PREPL: variants seen among roughly 807,000 people sequenced by gnomAD.
PREPL encodes prolyl endopeptidase-like.
PREPL carries 77 observed loss-of-function variants against 70.6 expected under a neutral mutation model. That is an observed-to-expected ratio of 1.09 (90% CI 0.91 to 1.32). PREPL has a LOEUF of 1.32. PREPL is among the 40% of genes most tolerant of loss of function. The probability of loss-of-function intolerance (pLI) is 0.00; values close to 1 mark genes in which losing one functional copy is unlikely to be tolerated. For synonymous variants in PREPL, 315 were observed against 264.8 expected (o/e 1.19, Z -1.84); for missense variants, 1,002 against 778.2 (o/e 1.29, Z -3.42).
chr2:44,320,894 C>A lies in PREPL; in HGVS notation c.*462G>T. ...CAGGGATGACCAGAACACATTAGGA[C>A]CCCAGATTATTCAAAAACTTTAACG... On this transcript the variant is annotated 3_prime_UTR_variant, in exon 14 of 14. Transcript: ENST00000409411. The A allele has an allele frequency of 2.1e-6, 1 of 485,556 alleles. No individual in the cohort carries two copies. The highest frequency in any genetic ancestry group is 3.7e-6 in the Non-Finnish European group (1 of 271,950). The allele number at this position is 485,556 out of a possible 1,614,324, so 30.1% of individuals were successfully genotyped here. A position where few individuals can be genotyped will look rare whatever the true frequency, so the allele number is the denominator to read the frequency against.
At chr2:44,353,009 A>T (rs374621030) in intron 1 of PREPL, among the ~76,000 whole-genome samples, 4 of 150,218 alleles carry the variant, frequency 2.7e-5, no homozygotes, top group African/African-American at 9.8e-5. Context: ...CACTTTGGGA[A>T]GCTGAGACAG....
Position 44,344,546 on chromosome 2 carries a change from C to T in PREPL, c.116G>A (p.Cys39Tyr). 1 of 1,603,228 alleles carries T rather than the reference C, an allele frequency of 6.2e-7. No homozygotes were observed. Among genetic ancestry groups the T allele is most frequent in the East Asian group, 2.2e-5 (1 of 44,502 alleles). ...TTCTTCATCTTTGGAACGAACCAAGCAACAACCTTCTTGGTAATAAACAAA... is the reference window on the plus strand; with the variant it reads ...TTCTTCATCTTTGGAACGAACCAAGTAACAACCTTCTTGGTAATAAACAAA... ...GGFVYYQEGC[C>Y]LVRSKDEEAD... Residue 39 changes from cysteine (C) to tyrosine (Y), a missense_variant, in exon 3 of 14, where the codon TGC becomes TAC. By Grantham distance (194) the Cys-to-Tyr change is radical. Coordinates refer to ENST00000409411, the MANE Select transcript of PREPL (RefSeq NM_001171613.2).
At position 44,320,347 on chromosome 2, in the gene PREPL, T is replaced by C; in HGVS notation, c.*1009A>G. 6.2e-7 allele frequency: 1 copy of C among 1,614,158 alleles called. No individual in the cohort carries two copies. The highest frequency in any genetic ancestry group is 8.5e-7 in the Non-Finnish European group (1 of 1,179,984). On this transcript the variant is annotated 3_prime_UTR_variant, in exon 14 of 14. Coordinates refer to ENST00000409411, the MANE Select transcript of PREPL (RefSeq NM_001171613.2). The stretch of plus-strand genomic sequence containing the variant: ...GTGTACACAAGAGAGCTGGATGGCA[T>C]CGACAGAATCTTTATCGTGGTTCTG...
chr2:44,329,985 T>C (rs372800388), intron 8 of PREPL, among the ~76,000 whole-genome samples: 1 of 152,334 alleles, frequency 6.6e-6, no homozygotes, highest in East Asian at 1.9e-4. Flanking sequence ...ATTCTCATTT[T>C]GAAAACTTCA....
At chr2:44,325,826 T>C (rs1467938184) in intron 10 of PREPL, among the ~76,000 whole-genome samples, 2 of 152,222 alleles carry the variant, frequency 1.3e-5, no homozygotes, top group African/African-American at 4.8e-5. Context: ...TCATTATTTT[T>C]CAGAGTAACC....
intron 1 of PREPL, 83 bp from the exon 2 acceptor site, chr2:44,346,473 CG>C (rs1296069884): frequency 3.9e-6 from 5 of 1,267,820 alleles, no homozygotes; most frequent in Non-Finnish European, 5.6e-6. Flanking sequence ...AGGTCTATAC[CG>C]TAGACTTAAC....
In PREPL at chr2:44,320,174, C is replaced by A. The variant is rs750454187; in HGVS notation, c.*1182G>T. 2 of 1,566,670 alleles carry A rather than the reference C, an allele frequency of 1.3e-6. No homozygotes were observed. The highest frequency in any genetic ancestry group is 1.8e-6 in the Non-Finnish European group (2 of 1,139,116). ...AACAATTCTTAGAATCAAACACTTA[C>A]GTAAATACTTTTTTAAAAAAATAGG... On this transcript the variant is annotated 3_prime_UTR_variant, in exon 14 of 14. Coordinates refer to ENST00000409411, the MANE Select transcript of PREPL (RefSeq NM_001171613.2).
chr2:44,329,140 A>G (rs758607355), intron 8 of PREPL, 28 bp from the exon 9 acceptor site: 1 of 1,533,354 alleles, frequency 6.5e-7, no homozygotes, highest in Admixed American at 1.8e-5. Context: ...CTATGTATGT[A>G]AAGAAGAGTC....
chr2:44,344,078 A>G, intron 3 of PREPL, 127 bp from the exon 4 acceptor site: 1 of 132,120 alleles, frequency 7.6e-6, no homozygotes, highest in East Asian at 6.1e-5. Context: ...TCTTTCAACA[A>G]TGATGGCAGC....
intron 11 of PREPL, 31 bp from the exon 12 acceptor site, chr2:44,322,885 CA>C: frequency 6.2e-7 from 1 of 1,607,088 alleles, no homozygotes; most frequent in Non-Finnish European, 8.5e-7. Flanking sequence ...GAAGAGTTTA[CA>C]TTATTTCTTA....
intron 1 of PREPL, chr2:44,359,763 G>T: frequency 7.5e-7 from 1 of 1,329,314 alleles, no homozygotes; most frequent in Non-Finnish European, 1.1e-6. Context: ...GCCAGCACAC[G>T]AATGATTTTA....
chr2:44,360,093 G>C (rs1677523709), intron 1 of PREPL: 1 of 166,740 alleles, frequency 6.0e-6, no homozygotes, highest in South Asian at 1.6e-4. Flanking sequence ...TAAGTACACA[G>C]ACTTAATGGG....
chr2:44,343,703 G>A (rs551385769), intron 4 of PREPL, 42 bp downstream of exon 4: 29 of 1,542,818 alleles, frequency 1.9e-5, no homozygotes, highest in African/African-American at 8.2e-5. Flanking sequence ...AAGTGTTACC[G>A]TTGCCTTTCA....
In PREPL at chr2:44,320,404, A is replaced by G. The variant is rs1254979951; in HGVS notation, c.*952T>C. On this transcript the variant is annotated 3_prime_UTR_variant, in exon 14 of 14. Coordinates refer to ENST00000409411, the MANE Select transcript of PREPL (RefSeq NM_001171613.2). ...GGAGAATCAACACTGTTAAATCTAC[A>G]TAATATGATTTCGGGCCTTCCCGCT... 1 of 1,614,104 alleles carries G rather than the reference A, an allele frequency of 6.2e-7. No individual in the cohort carries two copies. Among genetic ancestry groups the G allele is most frequent in the Admixed American group, 1.7e-5 (1 of 60,028 alleles).
intron 4 of PREPL, among the ~76,000 whole-genome samples, chr2:44,343,411 A>C (rs764792282): frequency 7.2e-5 from 11 of 152,226 alleles, no homozygotes; most frequent in Non-Finnish European, 5.9e-5. Flanking sequence ...ATTCAAGCTT[A>C]AAGTTGAATA....
rs542758042 is a variant in PREPL at position 44,320,623 on chromosome 2, T to C, written c.*733A>G. ...TGCTATTCCAGTGTACTGAACATACTGTATACCTCGTGTTAGGCACCTTTA... is the reference window on the plus strand; with the variant it reads ...TGCTATTCCAGTGTACTGAACATACCGTATACCTCGTGTTAGGCACCTTTA... On this transcript the variant is annotated 3_prime_UTR_variant, in exon 14 of 14. Coordinates refer to ENST00000409411, the MANE Select transcript of PREPL (RefSeq NM_001171613.2). The C allele has an allele frequency of 1.2e-6, 2 of 1,613,828 alleles. No individual in the cohort carries two copies. Among genetic ancestry groups the C allele is most frequent in the African/African-American group, 1.3e-5 (1 of 75,020 alleles).
At chr2:44,322,062 G>A (rs1322082070) in intron 12 of PREPL, among the ~76,000 whole-genome samples, 162 bp from the exon 13 acceptor site, 1 of 152,122 alleles carries the variant, frequency 6.6e-6, no homozygotes, top group Non-Finnish European at 1.5e-5. Flanking sequence ...GAGGGGACAA[G>A]CAACAGAAGA....
chr2:44,320,787 T>C lies in PREPL; in HGVS notation c.*569A>G. 5.7e-6 allele frequency: 4 copies of C among 704,254 alleles called. No homozygotes were observed. The highest frequency in any genetic ancestry group is 7.3e-6 in the Non-Finnish European group (3 of 410,136). The allele number at this position is 704,254 out of a possible 1,614,324, so 43.6% of individuals were successfully genotyped here. On this transcript the variant is annotated 3_prime_UTR_variant, in exon 14 of 14. Coordinates refer to ENST00000409411, the MANE Select transcript of PREPL (RefSeq NM_001171613.2). ...AATGTAACTGCTTTAAGAAAGGTTC[T>C]CAAATGTTTTGAAAAAAATAAAATG...
chr2:44,333,712 T>G (rs1674354065), intron 7 of PREPL, among the ~76,000 whole-genome samples: 1 of 152,218 alleles, frequency 6.6e-6, no homozygotes, highest in Non-Finnish European at 1.5e-5. Flanking sequence ...CTTCTCACAT[T>G]GAGGGTTGTT....
Sources: allele counts gnomAD v4.1 joint callset (sites outside exome capture counted in the v4.1 genomes callset), GRCh38; gene constraint gnomAD v4.1.1; transcripts MANE v1.5; gene names NCBI Gene and HGNC (gene_info 2026-07-23, HGNC 2026-07-21).